Variants in MECOM observed in about 807,000 individuals in gnomAD.
MECOM encodes histone-lysine N-methyltransferase MECOM.
MECOM carries 13 observed loss-of-function variants against 116.3 expected under a neutral mutation model. The ratio of observed to expected loss-of-function variants is 0.11; its 90% CI spans 0.07 to 0.18. MECOM has a LOEUF of 0.18. MECOM is among the 10% of genes least tolerant of loss of function. The probability of loss-of-function intolerance (pLI) is 1.00; values close to 1 mark genes in which losing one functional copy is unlikely to be tolerated. For missense variants in MECOM, 1,299 were observed against 1,509.0 expected (o/e 0.86, Z 2.31); for synonymous variants, 528 against 535.2 (o/e 0.99, Z 0.19).
chr3:169,107,853 G>T, intron 10 of MECOM, 73 bp downstream of exon 10: 2 of 1,269,170 alleles, frequency 1.6e-6, no homozygotes, highest in Non-Finnish European at 2.3e-6. Context: ...TGTCTGTACA[G>T]CAATTTAGAA....
chr3:169,322,997 T>TTAAAA lies in MECOM; in HGVS notation c.375+58189_375+58190insTTTTA, dbSNP rs1270690613. 2.5e-3 allele frequency among the ~76,000 whole-genome samples: 142 copies of TTAAAA among 56,044 alleles called. 9 individuals are homozygous for TTAAAA. The highest frequency in any genetic ancestry group is 5.4e-3 in the East Asian group (11 of 2,052). 36.8% of individuals were successfully genotyped at this position (56,044 alleles called of 152,430 possible). A position where few individuals can be genotyped will look rare whatever the true frequency, so the allele number is the denominator to read the frequency against. On this transcript the variant is annotated intron_variant, in intron 2 of 16. Transcript: ENST00000651503. ...CCTGCATGACAGAGCAAGACTCCGG[T>TTAAAA]AAAAAAAAAAAAAAAAAAAAAAAAA...
At position 169,115,365 on chromosome 3, in the gene MECOM, T is replaced by G; in HGVS notation, c.2489+18A>C. ...TCATACATCTGCTCATATTTCGTCA[T>G]CTTCCATACACGCTTACCTGTAAAT... On this transcript the variant is annotated intron_variant, in intron 8 of 16. Coordinates refer to ENST00000651503, the MANE Select transcript of MECOM (RefSeq NM_004991.4). 1 of 1,604,504 alleles carries G rather than the reference T, an allele frequency of 6.2e-7. No homozygotes were observed. Among genetic ancestry groups the G allele is most frequent in the South Asian group, 1.1e-5 (1 of 89,572 alleles).
rs553173261 is a variant in MECOM at position 169,131,503 on chromosome 3, G to T, written c.539C>A (p.Ala180Glu). 3.1e-6 allele frequency: 5 copies of T among 1,613,382 alleles called. No individual in the cohort carries two copies. In the South Asian group the frequency reaches 4.4e-5, roughly 14 times the overall value. Residue 180 changes from alanine to glutamate, a missense_variant, in exon 4 of 17, where the codon GCG (alanine) becomes GAG (glutamate). Transcript: ENST00000651503. ...GAACAGCAGAAGCTCCTCTCCCGGCGCAATGTCTGCAACTACTCTATAGAA... is the reference window on the plus strand; with the variant it reads ...GAACAGCAGAAGCTCCTCTCCCGGCTCAATGTCTGCAACTACTCTATAGAA... ...QIFYRVVADI[A>E]PGEELLLFMK...
At chr3:169,351,751 A>G (rs1340422388) in intron 2 of MECOM, among the ~76,000 whole-genome samples, 1 of 151,702 alleles carries the variant, frequency 6.6e-6, no homozygotes, top group African/African-American at 2.4e-5. Flanking sequence ...GCTTTTGAAG[A>G]TCTACCACTA....
intron 5 of MECOM, among the ~76,000 whole-genome samples, chr3:169,125,648 G>A (rs1465388109): frequency 6.6e-6 from 1 of 152,046 alleles, no homozygotes; most frequent in Non-Finnish European, 1.5e-5. Context: ...AAAAAAGCAA[G>A]TCATTTTCAC....
At chr3:169,170,403 C>CAAAAAAAAAAAAAAAAAAAA (rs71634426) in intron 2 of MECOM, among the ~76,000 whole-genome samples, 1 of 74,366 alleles carries the variant, frequency 1.3e-5, no homozygotes, top group Non-Finnish European at 2.7e-5. Context: ...AAGACTCTGT[C>CAAAAAAAAAAAAAAAAAAAA]AAAAAAAAAA....
intron 2 of MECOM, among the ~76,000 whole-genome samples, chr3:169,234,811 C>T (rs546652986): frequency 7.6e-4 from 116 of 152,226 alleles, no homozygotes; most frequent in African/African-American, 2.7e-3. Flanking sequence ...TCTATATGTG[C>T]ATAGTATATT....
At chr3:169,509,832 A>T (rs1248553476) in intron 1 of MECOM, among the ~76,000 whole-genome samples, 3 of 152,174 alleles carry the variant, frequency 2.0e-5, no homozygotes, top group Non-Finnish European at 2.9e-5. Context: ...GGTGTAGAGT[A>T]TCCGTTTGAG....
chr3:169,149,871 A>T (rs1262437149), intron 2 of MECOM: 1 of 323,176 alleles, frequency 3.1e-6, no homozygotes, highest in African/African-American at 2.2e-5. Flanking sequence ...AAAGGAAATC[A>T]TCAGAAGGAC....
At chr3:169,571,555 C>G (rs1303521645) in intron 1 of MECOM, among the ~76,000 whole-genome samples, 2 of 152,146 alleles carry the variant, frequency 1.3e-5, no homozygotes, top group African/African-American at 4.8e-5. Flanking sequence ...GCAAAAAGAA[C>G]AAAGCTGGAG....
chr3:169,487,542 TA>T (rs533050069), intron 1 of MECOM, among the ~76,000 whole-genome samples: 105 of 149,910 alleles, frequency 7.0e-4, no homozygotes, highest in African/African-American at 2.4e-3. Context: ...GAGGGAAAAA[TA>T]AAAAATAAAT....
At chr3:169,641,250 A>AG (rs1773451550) in intron 1 of MECOM, among the ~76,000 whole-genome samples, 1 of 152,256 alleles carries the variant, frequency 6.6e-6, no homozygotes, top group Admixed American at 6.5e-5. Flanking sequence ...CTGGAGGCAC[A>AG]GCAGTGAGAA....
At chr3:169,310,974 G>A (rs974957201) in intron 2 of MECOM, among the ~76,000 whole-genome samples, 2 of 152,106 alleles carry the variant, frequency 1.3e-5, no homozygotes, top group African/African-American at 2.4e-5. Context: ...ATTACAAAGG[G>A]AGACATCTGA....
intron 1 of MECOM, among the ~76,000 whole-genome samples, chr3:169,648,028 G>T (rs143818096): frequency 1.3e-3 from 202 of 152,232 alleles, no homozygotes; most frequent in African/African-American, 4.6e-3. Flanking sequence ...TTCAAGGCAG[G>T]GAGGGCTCAA....
chr3:169,122,793 G>A lies in MECOM; in HGVS notation c.831-66C>T, dbSNP rs554631485. On this transcript the variant is annotated intron_variant, in intron 5 of 16. Coordinates refer to ENST00000651503, the MANE Select transcript of MECOM (RefSeq NM_004991.4). ...TTCATAAACGGAACAACATTTTATTGTTAATCCAACTGGTAATTAAAGAAA... is the reference window on the plus strand; with the variant it reads ...TTCATAAACGGAACAACATTTTATTATTAATCCAACTGGTAATTAAAGAAA... 1.3e-4 allele frequency: 198 copies of A among 1,540,102 alleles called. 4 individuals are homozygous for A. In the South Asian group the frequency reaches 2.1e-3, roughly 17 times the overall value.
intron 10 of MECOM, among the ~76,000 whole-genome samples, chr3:169,106,563 T>C (rs1725513357): frequency 1.3e-5 from 2 of 152,090 alleles, no homozygotes; most frequent in African/African-American, 4.8e-5. Flanking sequence ...TGTGACTCAA[T>C]GGAATGGGAA....
chr3:169,312,279 C>T (rs1355616860), intron 2 of MECOM, among the ~76,000 whole-genome samples: 1 of 151,082 alleles, frequency 6.6e-6, no homozygotes, highest in Non-Finnish European at 1.5e-5. Context: ...CAGATGACAA[C>T]TATATTTTTA....
chr3:169,444,476 G>A (rs1282830695), intron 1 of MECOM, among the ~76,000 whole-genome samples: 1 of 152,088 alleles, frequency 6.6e-6, no homozygotes, highest in Non-Finnish European at 1.5e-5. Context: ...TTTATCAGGG[G>A]TTTCCGTTTT....
At chr3:169,089,213 T>C in intron 15 of MECOM, 30 bp from the exon 16 acceptor site, 3 of 1,434,694 alleles carry the variant, frequency 2.1e-6, no homozygotes, top group Non-Finnish European at 2.8e-6. Context: ...AACACAGAAA[T>C]TTTCTTTTCA....
Sources: allele counts gnomAD v4.1 joint callset (sites outside exome capture counted in the v4.1 genomes callset), GRCh38; gene constraint gnomAD v4.1.1; transcripts MANE v1.5; gene names NCBI Gene and HGNC (gene_info 2026-07-23, HGNC 2026-07-21).